The following DR1 variants were observed in gnomAD, a reference collection of about 807,000 sequenced individuals.
DR1 encodes the protein protein Dr1.
Under a neutral mutation model 19.9 loss-of-function variants are expected in DR1, and 7 were observed. That is an observed-to-expected ratio of 0.35 (90% CI 0.20 to 0.66). The LOEUF (loss-of-function observed/expected upper bound fraction) is 0.66. Ranked by LOEUF, DR1 falls within the 30% of genes least tolerant of loss-of-function variation. The pLI is 0.66. For synonymous variants in DR1, 76 were observed against 72.5 expected (o/e 1.05, Z -0.24); for missense variants, 98 against 203.7 (o/e 0.48, Z 3.16).
chr1:93,350,215 A>G (rs973458707), intron 1 of DR1, among the ~76,000 whole-genome samples: 1 of 152,122 alleles, frequency 6.6e-6, no homozygotes, highest in African/African-American at 2.4e-5. Context: ...GCTAGGTACT[A>G]CTAAGGATAT....
intron 2 of DR1, among the ~76,000 whole-genome samples, chr1:93,358,664 C>G (rs1204096552): frequency 6.6e-6 from 1 of 152,132 alleles, no homozygotes; most frequent in Non-Finnish European, 1.5e-5. Context: ...TTAAAAATTC[C>G]AGCATTTTCC....
Position 93,366,404 on chromosome 1 carries a change from A to G in DR1, c.*5765A>G, listed in dbSNP as rs1370535900. On this transcript the variant is annotated 3_prime_UTR_variant, in exon 3 of 3. Transcript: ENST00000370272. ...AGTCCTAATAGGCTTGTTATTTTTGAGTGCACAGATCTGTATATTCGCAAT... is the reference window on the plus strand; with the variant it reads ...AGTCCTAATAGGCTTGTTATTTTTGGGTGCACAGATCTGTATATTCGCAAT... 6.6e-6 allele frequency: 1 copy of G among 152,194 alleles called. No individual in the cohort carries two copies. The highest frequency in any genetic ancestry group is 1.5e-5 in the Non-Finnish European group (1 of 68,034). 9.4% of individuals were successfully genotyped at this position (152,194 alleles called of 1,614,324 possible). A position where few individuals can be genotyped will look rare whatever the true frequency, so the allele number is the denominator to read the frequency against.
At chr1:93,352,689 A>C (rs1471657193) in intron 1 of DR1, among the ~76,000 whole-genome samples, 1 of 152,206 alleles carries the variant, frequency 6.6e-6, no homozygotes, top group Non-Finnish European at 1.5e-5. Context: ...ATAATGATTG[A>C]AAGACTTCAA....
chr1:93,348,367 C>A (rs1666877552), intron 1 of DR1, among the ~76,000 whole-genome samples: 1 of 152,176 alleles, frequency 6.6e-6, no homozygotes, highest in East Asian at 1.9e-4. Flanking sequence ...GCTATAATTT[C>A]TTTTTACAAC....
intron 1 of DR1, 25 bp from the exon 2 acceptor site, chr1:93,353,883 T>C (rs769083368): frequency 2.0e-5 from 32 of 1,572,402 alleles, no homozygotes; most frequent in Non-Finnish European, 2.8e-5. Flanking sequence ...CACCCTTTCA[T>C]ATTTTAATAT....
intron 2 of DR1, among the ~76,000 whole-genome samples, chr1:93,356,494 A>G (rs1412139759): frequency 6.6e-6 from 1 of 152,186 alleles, no homozygotes; most frequent in African/African-American, 2.4e-5. Context: ...CTAAAAGTCA[A>G]TTAAATTTGA....
At chr1:93,351,081 A>G (rs1298077760) in intron 1 of DR1, among the ~76,000 whole-genome samples, 1 of 152,162 alleles carries the variant, frequency 6.6e-6, no homozygotes, top group Non-Finnish European at 1.5e-5. Context: ...ATCCTTTAAT[A>G]TTCTCTTTGT....
intron 1 of DR1, among the ~76,000 whole-genome samples, chr1:93,351,436 CTTT>C (rs397862048): frequency 4.2e-4 from 44 of 103,804 alleles, no homozygotes; most frequent in South Asian, 4.2e-3. Flanking sequence ...GATTTTCTTT[CTTT>C]TTTTTTTTTT....
rs1667208228 is a variant in DR1 at position 93,369,477 on chromosome 1, A to T, written c.*8838A>T. 1 of 152,214 alleles carries T rather than the reference A, an allele frequency of 6.6e-6. No homozygotes were observed. The highest frequency in any genetic ancestry group is 2.4e-5 in the African/African-American group (1 of 41,444). The allele number at this position is 152,214 out of a possible 1,614,324, so 9.4% of individuals were successfully genotyped here. A position where few individuals can be genotyped will look rare whatever the true frequency, so the allele number is the denominator to read the frequency against. Reference sequence around the variant, plus strand: ...TGCAGAATATGAGAAGTTATTTTATAAAGTTGATTTGTGGTATAGGCTTTA... The same window carrying T: ...TGCAGAATATGAGAAGTTATTTTATTAAGTTGATTTGTGGTATAGGCTTTA... On this transcript the variant is annotated 3_prime_UTR_variant, in exon 3 of 3. Transcript: ENST00000370272.
At chr1:93,348,757 C>T (rs1666882725) in intron 1 of DR1, among the ~76,000 whole-genome samples, 1 of 151,922 alleles carries the variant, frequency 6.6e-6, no homozygotes, top group South Asian at 2.1e-4. Flanking sequence ...AAAAATTTAC[C>T]TTTTTTTCTT....
In DR1 at chr1:93,366,599, A is replaced by G. The variant is rs977131804; in HGVS notation, c.*5960A>G. ...AATAAGAGTTAAGTCCCTATGGCAT[A>G]TATTTCTGGTTACAAAAACACTACC... On this transcript the variant is annotated 3_prime_UTR_variant, in exon 3 of 3. Coordinates refer to ENST00000370272, the MANE Select transcript of DR1 (RefSeq NM_001938.3). 2.0e-5 allele frequency: 3 copies of G among 152,234 alleles called. No individual in the cohort carries two copies. The highest frequency in any genetic ancestry group is 7.2e-5 in the African/African-American group (3 of 41,460). The allele number at this position is 152,234 out of a possible 1,614,324, so 9.4% of individuals were successfully genotyped here. A position where few individuals can be genotyped will look rare whatever the true frequency, so the allele number is the denominator to read the frequency against.
At chr1:93,359,990 G>A (rs747861063) in intron 2 of DR1, among the ~76,000 whole-genome samples, 11 of 152,118 alleles carry the variant, frequency 7.2e-5, no homozygotes, top group Non-Finnish European at 1.2e-4. Context: ...GGTAGCTACT[G>A]CATACATGTA....
rs1227426913 is a variant in DR1 at position 93,367,006 on chromosome 1, A to C, written c.*6367A>C. 1 of 149,490 alleles carries C rather than the reference A, an allele frequency of 6.7e-6. No homozygotes were observed. Among genetic ancestry groups the C allele is most frequent in the South Asian group, 2.2e-4 (1 of 4,518 alleles). 9.3% of individuals were successfully genotyped at this position (149,490 alleles called of 1,614,324 possible). ...AACAGAGCAAAATCCTATCTCAAAAAAAATATATATATTATCCAGCCCCAA... is the reference window on the plus strand; with the variant it reads ...AACAGAGCAAAATCCTATCTCAAAACAAATATATATATTATCCAGCCCCAA... On this transcript the variant is annotated 3_prime_UTR_variant, in exon 3 of 3. Coordinates refer to ENST00000370272, the MANE Select transcript of DR1 (RefSeq NM_001938.3).
Position 93,346,141 on chromosome 1 carries a change from G to A in DR1, c.-505G>A. 1 of 230,880 alleles carries A rather than the reference G, an allele frequency of 4.3e-6. No homozygotes were observed. The highest frequency in any genetic ancestry group is 8.4e-6 in the Non-Finnish European group (1 of 119,714). The allele number at this position is 230,880 out of a possible 1,614,324, so 14.3% of individuals were successfully genotyped here. A position where few individuals can be genotyped will look rare whatever the true frequency, so the allele number is the denominator to read the frequency against. ...CATGTTGTGAGGCGGCGGCGCGGGT[G>A]TCTGAAGGATGGTTTGGCCGAGGCG... On this transcript the variant is annotated 5_prime_UTR_variant, in exon 1 of 3. Transcript: ENST00000370272.
chr1:93,349,143 C>T (rs116807672), intron 1 of DR1, among the ~76,000 whole-genome samples: 1,929 of 152,114 alleles, frequency 0.013, 18 homozygotes, highest in Non-Finnish European at 0.02. Flanking sequence ...TTCACTTGTT[C>T]ATTTCTCACC....
In DR1 at chr1:93,346,360, C is replaced by A. The variant is rs3087457; in HGVS notation, c.-286C>A. 1 of 438,702 alleles carries A rather than the reference C, an allele frequency of 2.3e-6. No homozygotes were observed. The highest frequency in any genetic ancestry group is 4.2e-6 in the Non-Finnish European group (1 of 237,286). The allele number at this position is 438,702 out of a possible 1,614,324, so 27.2% of individuals were successfully genotyped here. On this transcript the variant is annotated 5_prime_UTR_variant, in exon 1 of 3. Transcript: ENST00000370272. ...GGAGACACGAAGGTGGTTCCCCAGC[C>A]GCTCAAATTTCCGGACCACCGCGCT...
At position 93,364,851 on chromosome 1, in the gene DR1, C is replaced by CTTTTTTTTTTTTTTTTTTTTTT. The variant is rs1185414953; in HGVS notation, c.*4232_*4233insTTTTTTTTTTTTTTTTTTTTTT. 3.0e-4 allele frequency: 30 copies of CTTTTTTTTTTTTTTTTTTTTTT among 100,650 alleles called. No individual in the cohort carries two copies. Among genetic ancestry groups the CTTTTTTTTTTTTTTTTTTTTTT allele is most frequent in the African/African-American group, 5.7e-4 (12 of 21,156 alleles). The allele number at this position is 100,650 out of a possible 1,614,324, so 6.2% of individuals were successfully genotyped here. On this transcript the variant is annotated 3_prime_UTR_variant, in exon 3 of 3. Coordinates refer to ENST00000370272, the MANE Select transcript of DR1 (RefSeq NM_001938.3). Reference sequence around the variant, plus strand: ...TTTTCTTTTTTCTTTTCTTTTCTTTCTTTTTTTTTTTTTTTTTTTTGAGAC... The same window carrying CTTTTTTTTTTTTTTTTTTTTTT: ...TTTTCTTTTTTCTTTTCTTTTCTTTCTTTTTTTTTTTTTTTTTTTTTTTTTTTTTTTTTTTTTTTTTTGAGAC...
Position 93,353,912 on chromosome 1 carries a change from A to G in DR1, c.225A>G (p.Leu75=). 1 of 1,602,920 alleles carries G rather than the reference A, an allele frequency of 6.2e-7. No homozygotes were observed. Among genetic ancestry groups the G allele is most frequent in the Non-Finnish European group, 8.5e-7 (1 of 1,175,164 alleles). The stretch of plus-strand genomic sequence containing the variant: ...TTAATATTTTCATTTCTCTAGCACT[A>G]GAAAGTTTGGGATTTGGCTCTTACA... ...TISPEHVIQA[L]ESLGFGSYIS... The change falls in exon 2 of 3, where the codon CTA becomes CTG. Residue 75 remains leucine, a synonymous_variant. Coordinates refer to ENST00000370272, the MANE Select transcript of DR1 (RefSeq NM_001938.3).
chr1:93,357,177 A>G (rs1381871535), intron 2 of DR1, among the ~76,000 whole-genome samples: 1 of 152,178 alleles, frequency 6.6e-6, no homozygotes, highest in Non-Finnish European at 1.5e-5. Context: ...ATGGTTTCTA[A>G]TTTCCTAAGC....
Sources: allele counts gnomAD v4.1 joint callset (sites outside exome capture counted in the v4.1 genomes callset), GRCh38; gene constraint gnomAD v4.1.1; transcripts MANE v1.5; gene names NCBI Gene and HGNC (gene_info 2026-07-23, HGNC 2026-07-21).